Variants in ATP1A1 observed in about 807,000 individuals in gnomAD.
The protein encoded by ATP1A1 is sodium/potassium-transporting ATPase subunit alpha-1.
A neutral mutation model predicts 114.8 loss-of-function variants in ATP1A1; 14 were observed. The observed-to-expected ratio is 0.12, with a 90% confidence interval of 0.08 to 0.19. The LOEUF is 0.19. Ranked by LOEUF, ATP1A1 falls within the 10% of genes least tolerant of loss-of-function variation. ATP1A1 has a pLI of 1.00. For missense variants in ATP1A1, 524 were observed against 1,290.7 expected (o/e 0.41, Z 9.10); for synonymous variants, 471 against 466.3 (o/e 1.01, Z -0.13).
Position 116,384,672 on chromosome 1 carries a change from A to G in ATP1A1, c.124-111A>G, listed in dbSNP as rs1234087933. 1.0e-6 allele frequency: 1 copy of G among 960,110 alleles called. No individual in the cohort carries two copies. Among genetic ancestry groups the G allele is most frequent in the Non-Finnish European group, 1.6e-6 (1 of 638,550 alleles). 59.5% of individuals were successfully genotyped at this position (960,110 alleles called of 1,614,324 possible). On this transcript the variant is annotated intron_variant, in intron 2 of 22. Transcript: ENST00000295598. The surrounding 1 kb of genome is among the most constrained non-coding windows in gnomAD (Gnocchi z 5.1). ...TACCAACTTATGCACTGAAGAAAAC[A>G]TCTGCACTTTGTTTAATAAGCTTAA...
Position 116,390,914 on chromosome 1 carries a change from G to A in ATP1A1, c.1332+23G>A, listed in dbSNP as rs560822383. 6.9e-6 allele frequency: 11 copies of A among 1,590,248 alleles called. No homozygotes were observed. The African/African-American group carries it at 1.3e-4, about 19-fold the overall frequency. ...AAGGTATGCTCAAGAGTTAACTAAT[G>A]GAGGGATGTAGACAGCACATGAGAA... On this transcript the variant is annotated intron_variant, in intron 10 of 22. Coordinates refer to ENST00000295598, the MANE Select transcript of ATP1A1 (RefSeq NM_000701.8).
intron 12 of ATP1A1, among the ~76,000 whole-genome samples, chr1:116,394,771 CA>C (rs1652769259): frequency 6.6e-6 from 1 of 152,082 alleles, no homozygotes; most frequent in Non-Finnish European, 1.5e-5. Context: ...TTGCCAAATC[CA>C]AATAACTTAA....
chr1:116,397,940 G>A lies in ATP1A1; in HGVS notation c.2026G>A (p.Glu676Lys), dbSNP rs768375815. The A allele has an allele frequency of 9.9e-6, 16 of 1,612,978 alleles. No individual in the cohort carries two copies. Among genetic ancestry groups the A allele is most frequent in the Admixed American group, 1.7e-5 (1 of 59,876 alleles). Reference protein sequence around the residue: ...HGSDLKDMTSEQLDDILKYHT... With the variant: ...HGSDLKDMTSKQLDDILKYHT... ...CAGTGATCTAAAGGACATGACCTCC[G>A]AGCAGCTGGATGACATTTTGAAGTA... The change falls in exon 15 of 23, where the codon GAG becomes AAG. Residue 676 changes from glutamate (E) to lysine (K), a missense_variant. Around this residue, in one of 8 missense-constraint regions of ATP1A1, gnomAD observed 47 missense variants for 79.8 expected, o/e 0.59. Transcript: ENST00000295598. This position sits in a 1 kb window ranked among gnomAD's most constrained non-coding sequence, Gnocchi z 4.2.
At chr1:116,373,916 C>T (rs1207862140) in intron 1 of ATP1A1, 1 of 1,309,402 alleles carries the variant, frequency 7.6e-7, no homozygotes, top group African/African-American at 1.6e-5. Context: ...AGCCTGGCTC[C>T]CCTCCCTGCG....
intron 1 of ATP1A1, chr1:116,373,961 C>A (rs1192101308): frequency 1.5e-6 from 2 of 1,354,618 alleles, no homozygotes; most frequent in Admixed American, 3.3e-5. Context: ...CTTTTCCCTC[C>A]GCCCTCCGTG....
At position 116,388,316 on chromosome 1, in the gene ATP1A1, G is replaced by A; in HGVS notation, c.501+72G>A. 1.5e-6 allele frequency: 2 copies of A among 1,308,720 alleles called. No individual in the cohort carries two copies. The highest frequency in any genetic ancestry group is 2.2e-6 in the Non-Finnish European group (2 of 911,528). The allele number at this position is 1,308,720 out of a possible 1,614,324, so 81.1% of individuals were successfully genotyped here. ...AGCATGTCAGCCTGTGAATTAGTGT[G>A]AAGTTAAGGTTTTCCAAGTATTACA... is the stretch of plus-strand genomic sequence containing the variant. On this transcript the variant is annotated intron_variant, in intron 5 of 22. Transcript: ENST00000295598. The surrounding 1 kb of genome is among the most constrained non-coding windows in gnomAD (Gnocchi z 5.6).
Position 116,401,709 on chromosome 1 carries a change from T to G in ATP1A1, c.2951+54T>G, listed in dbSNP as rs576250317. ...AGTATGAAATAGTATGTGTGGCTTT[T>G]CCCCCCATTACTTGTGGTAATAGTT... On this transcript the variant is annotated intron_variant, in intron 21 of 22. Transcript: ENST00000295598. The surrounding 1 kb of genome is among the most constrained non-coding windows in gnomAD (Gnocchi z 4.7). 1 of 1,528,392 alleles carries G rather than the reference T, an allele frequency of 6.5e-7. No individual in the cohort carries two copies. The highest frequency in any genetic ancestry group is 1.4e-5 in the African/African-American group (1 of 72,998). 94.7% of individuals were successfully genotyped at this position (1,528,392 alleles called of 1,614,324 possible).
Position 116,399,112 on chromosome 1 carries a change from T to G in ATP1A1, c.2448+28T>G. On this transcript the variant is annotated intron_variant, in intron 17 of 22. Transcript: ENST00000295598. This position sits in a 1 kb window ranked among gnomAD's most constrained non-coding sequence, Gnocchi z 5.0. ...GAGTGTCACAACAGTCACAGATCGATAGTAGTGAGGTGTGAGCTGTGTCTT... is the reference window on the plus strand; with the variant it reads ...GAGTGTCACAACAGTCACAGATCGAGAGTAGTGAGGTGTGAGCTGTGTCTT... The G allele has an allele frequency of 6.2e-7, 1 of 1,613,882 alleles. No individual in the cohort carries two copies. Among genetic ancestry groups the G allele is most frequent in the Non-Finnish European group, 8.5e-7 (1 of 1,179,868 alleles).
Position 116,400,981 on chromosome 1 carries a change from T to G in ATP1A1, c.2693T>G (p.Val898Gly). 1 of 1,614,214 alleles carries G rather than the reference T, an allele frequency of 6.2e-7. No homozygotes were observed. The highest frequency in any genetic ancestry group is 8.5e-7 in the Non-Finnish European group (1 of 1,180,034). The change falls in exon 19 of 23, where the codon GTG (valine) becomes GGG (glycine). Residue 898 changes from valine (V) to glycine (G), a missense_variant. This residue lies in a region of ATP1A1 where 84 missense variants were observed against 209.3 expected (regional missense o/e 0.40). Transcript: ENST00000295598. Reference sequence around the variant, plus strand: ...TGGGATGACCGCTGGATCAACGATGTGGAAGACAGCTACGGGCAGCAGTGG... The same window carrying G: ...TGGGATGACCGCTGGATCAACGATGGGGAAGACAGCTACGGGCAGCAGTGG... ...VDWDDRWIND[V>G]EDSYGQQWTY...
intron 1 of ATP1A1, 36 bp downstream of exon 1, chr1:116,373,559 GA>G: frequency 7.0e-7 from 1 of 1,428,394 alleles, no homozygotes; most frequent in Non-Finnish European, 9.2e-7. Flanking sequence ...GGGGCTCGGG[GA>G]GCCCTCGAGG....
At chr1:116,403,454 T>G (rs868106741) in intron 21 of ATP1A1, among the ~76,000 whole-genome samples, 1 of 152,262 alleles carries the variant, frequency 6.6e-6, no homozygotes, top group Non-Finnish European at 1.5e-5. Context: ...TAAACTGGTT[T>G]TGACCCACAC....
Position 116,404,539 on chromosome 1 carries a change from C to G in ATP1A1, c.*95C>G. On this transcript the variant is annotated 3_prime_UTR_variant, in exon 23 of 23. Transcript: ENST00000295598. This position sits in a 1 kb window ranked among gnomAD's most constrained non-coding sequence, Gnocchi z 4.8. ...TACTTCAGTCTTGGAGTTTGGAACT[C>G]TACCCTGGTAGGAAAGCACCGCAGC... is the stretch of plus-strand genomic sequence containing the variant. The G allele has an allele frequency of 2.7e-6, 4 of 1,497,286 alleles. No individual in the cohort carries two copies. In the South Asian group the frequency reaches 4.1e-5, roughly 15 times the overall value. 92.8% of individuals were successfully genotyped at this position (1,497,286 alleles called of 1,614,324 possible).
At chr1:116,383,376 T>C (rs1651873353) in intron 1 of ATP1A1, 10 of 1,027,308 alleles carry the variant, frequency 9.7e-6, no homozygotes, top group Non-Finnish European at 1.2e-5. Flanking sequence ...ATTTGATATG[T>C]AATAATGTCT....
rs1652265147 is a variant in ATP1A1 at position 116,388,820 on chromosome 1, G to A, written c.636+48G>A. 4 of 1,612,730 alleles carry A rather than the reference G, an allele frequency of 2.5e-6. No individual in the cohort carries two copies. The highest frequency in any genetic ancestry group is 3.4e-6 in the Non-Finnish European group (4 of 1,179,190). The stretch of plus-strand genomic sequence containing the variant: ...CCTCATAGCTAGCTCTGCTGTTCGG[G>A]CAGCTTGATTTGAGGGGTACAGTAG... On this transcript the variant is annotated intron_variant, in intron 6 of 22. Coordinates refer to ENST00000295598, the MANE Select transcript of ATP1A1 (RefSeq NM_000701.8). This position sits in a 1 kb window ranked among gnomAD's most constrained non-coding sequence, Gnocchi z 5.6.
rs971644995 is a variant in ATP1A1 at position 116,398,544 on chromosome 1, G to T, written c.2125-77G>T. 3.3e-6 allele frequency: 5 copies of T among 1,531,812 alleles called. No individual in the cohort carries two copies. The Admixed American group carries it at 5.4e-5, about 17-fold the overall frequency. The allele number at this position is 1,531,812 out of a possible 1,614,324, so 94.9% of individuals were successfully genotyped here. A position where few individuals can be genotyped will look rare whatever the true frequency, so the allele number is the denominator to read the frequency against. On this transcript the variant is annotated intron_variant, in intron 15 of 22. Transcript: ENST00000295598. The surrounding 1 kb of genome is among the most constrained non-coding windows in gnomAD (Gnocchi z 6.1). ...GAGCAGTGTCTGTAATGAGTGCTCA[G>T]TGGGGGCATGCATCGCACTATTTCC... is the stretch of plus-strand genomic sequence containing the variant.
intron 1 of ATP1A1, among the ~76,000 whole-genome samples, chr1:116,380,018 T>C (rs1378486665): frequency 6.6e-6 from 1 of 152,260 alleles, no homozygotes; most frequent in Non-Finnish European, 1.5e-5. Context: ...CTGGCCCTTC[T>C]TGCCCGTCAA....
intron 1 of ATP1A1, among the ~76,000 whole-genome samples, chr1:116,380,929 GAA>G (rs112320858): frequency 1.4e-5 from 2 of 144,848 alleles, no homozygotes; most frequent in African/African-American, 5.1e-5. Context: ...ATGGAAGGGG[GAA>G]AAAAAAAAAC....
rs1653510629 is a variant in ATP1A1 at position 116,401,895 on chromosome 1, T to C, written c.2951+240T>C. On this transcript the variant is annotated intron_variant, in intron 21 of 22. Coordinates refer to ENST00000295598, the MANE Select transcript of ATP1A1 (RefSeq NM_000701.8). This position sits in a 1 kb window ranked among gnomAD's most constrained non-coding sequence, Gnocchi z 4.7. ...CAAGATAAGATAAAGCCACACAGGCTCTAGCTCCATGGAACTGCTCAACAG... is the reference window on the plus strand; with the variant it reads ...CAAGATAAGATAAAGCCACACAGGCCCTAGCTCCATGGAACTGCTCAACAG... 1 of 555,132 alleles carries C rather than the reference T, an allele frequency of 1.8e-6. No individual in the cohort carries two copies. The highest frequency in any genetic ancestry group is 3.2e-6 in the Non-Finnish European group (1 of 313,190). 34.4% of individuals were successfully genotyped at this position (555,132 alleles called of 1,614,324 possible). A position where few individuals can be genotyped will look rare whatever the true frequency, so the allele number is the denominator to read the frequency against.
At chr1:116,376,066 G>A (rs527894740) in intron 1 of ATP1A1, among the ~76,000 whole-genome samples, 2 of 152,094 alleles carry the variant, frequency 1.3e-5, no homozygotes, top group South Asian at 2.1e-4. Flanking sequence ...GCCTACCACC[G>A]GCAACTGTTT....
Sources: allele counts gnomAD v4.1 joint callset (sites outside exome capture counted in the v4.1 genomes callset), GRCh38; gene constraint gnomAD v4.1.1; regional missense constraint gnomAD v4.1.1; non-coding constraint Gnocchi (gnomAD v3.1); transcripts MANE v1.5; gene names NCBI Gene and HGNC (gene_info 2026-07-23, HGNC 2026-07-21).